VPS50: variants seen among roughly 807,000 people sequenced by gnomAD.
The protein encoded by VPS50 is syndetin.
Under a neutral mutation model 139.7 loss-of-function variants are expected in VPS50, and 70 were observed. That is an observed-to-expected ratio of 0.50 (90% CI 0.41 to 0.61). The LOEUF (loss-of-function observed/expected upper bound fraction) is 0.61. VPS50 is among the 20% of genes least tolerant of loss of function. The probability of loss-of-function intolerance (pLI) is 0.00; values close to 1 mark genes in which losing one functional copy is unlikely to be tolerated. For synonymous variants in VPS50, 365 were observed against 376.7 expected, an observed-to-expected ratio of 0.97 and a Z score of 0.36; for missense variants, 921 against 1,133.7, an observed-to-expected ratio of 0.81 and a Z score of 2.69.
intron 21 of VPS50, 186 bp from the exon 22 acceptor site, chr7:93,333,931 T>C (rs944892123): frequency 7.4e-6 from 4 of 537,200 alleles, no homozygotes; most frequent in Non-Finnish European, 1.3e-5. Flanking sequence ...CACAGGTAAA[T>C]GTTTCTTTGG....
chr7:93,246,165 T>G, intron 2 of VPS50: 1 of 1,283,480 alleles, frequency 7.8e-7, no homozygotes, highest in Non-Finnish European at 1.1e-6. Context: ...TATAACAGAA[T>G]AGATTTTTTA....
In VPS50 at chr7:93,358,914, T is replaced by G. The variant is rs1798779741; in HGVS notation, c.*478T>G. On this transcript the variant is annotated 3_prime_UTR_variant, in exon 28 of 28. Transcript: ENST00000305866. ...ACATGTAAGTAAAATAGTTGAAAAA[T>G]CAGTATGTTCTCTGTTTTTAAAATG... The G allele has an allele frequency of 6.5e-6, 1 of 152,918 alleles. No homozygotes were observed. Among genetic ancestry groups the G allele is most frequent in the Non-Finnish European group, 1.5e-5 (1 of 68,520 alleles). 9.5% of individuals were successfully genotyped at this position (152,918 alleles called of 1,614,324 possible). A position where few individuals can be genotyped will look rare whatever the true frequency, so the allele number is the denominator to read the frequency against.
intron 2 of VPS50, among the ~76,000 whole-genome samples, chr7:93,242,238 C>G (rs1795014228): frequency 6.6e-6 from 1 of 151,570 alleles, no homozygotes; most frequent in Non-Finnish European, 1.5e-5. Context: ...AAAGTTCTCT[C>G]CAAAAGTCAA....
intron 25 of VPS50, 86 bp from the exon 26 acceptor site, chr7:93,353,554 A>T: frequency 1.4e-6 from 2 of 1,422,072 alleles, no homozygotes; most frequent in Non-Finnish European, 1.9e-6. Context: ...AGTCTTTCTA[A>T]ATCTTTTTTA....
At chr7:93,257,993 A>G (rs984682461) in intron 6 of VPS50, 166 bp from the exon 7 acceptor site, 9 of 514,606 alleles carry the variant, frequency 1.7e-5, no homozygotes, top group African/African-American at 1.6e-4. Context: ...GTTCTGAGTA[A>G]TGCTGGTTTA....
chr7:93,252,586 T>C (rs1795366661), intron 2 of VPS50, 67 bp from the exon 3 acceptor site: 4 of 1,065,172 alleles, frequency 3.8e-6, no homozygotes, highest in Non-Finnish European at 5.7e-6. Context: ...CAAATGATCA[T>C]TTATTTCCAT....
chr7:93,266,798 T>C (rs1290130092), intron 9 of VPS50, among the ~76,000 whole-genome samples: 2 of 152,240 alleles, frequency 1.3e-5, no homozygotes, highest in African/African-American at 2.4e-5. Flanking sequence ...GGCTAAGAGC[T>C]TCTTTAAAAG....
chr7:93,271,462 G>A (rs1441022277), intron 10 of VPS50, among the ~76,000 whole-genome samples, 200 bp downstream of exon 10: 1 of 151,638 alleles, frequency 6.6e-6, no homozygotes, highest in East Asian at 1.9e-4. Context: ...TCTCAAAACA[G>A]CATTTGAAAA....
chr7:93,244,307 C>T lies in VPS50; in HGVS notation c.102+4373C>T, dbSNP rs187050284. 1.1e-3 allele frequency among the ~76,000 whole-genome samples: 168 copies of T among 151,868 alleles called. 2 individuals are homozygous for T. The highest frequency in any genetic ancestry group is 8.9e-3 in the Admixed American group (136 of 15,218). On this transcript the variant is annotated intron_variant, in intron 2 of 27. Coordinates refer to ENST00000305866, the MANE Select transcript of VPS50 (RefSeq NM_017667.4). Reference sequence around the variant, plus strand: ...AGTACTTCTGTGAAATCAGATAAACCGATTTGACTTGACTTCTTAAAATCC... The same window carrying T: ...AGTACTTCTGTGAAATCAGATAAACTGATTTGACTTGACTTCTTAAAATCC...
chr7:93,246,487 G>C (rs769273177), intron 2 of VPS50, among the ~76,000 whole-genome samples: 2 of 151,708 alleles, frequency 1.3e-5, no homozygotes, highest in Non-Finnish European at 3.0e-5. Context: ...GTGAAGTAAA[G>C]ATTTGCATTC....
intron 20 of VPS50, among the ~76,000 whole-genome samples, chr7:93,322,886 T>A (rs1447768016): frequency 6.6e-6 from 1 of 152,160 alleles, no homozygotes; most frequent in Non-Finnish European, 1.5e-5. Flanking sequence ...ATGCAGAAGT[T>A]TAATTCATTG....
rs534852944 is a variant in VPS50 at position 93,271,477 on chromosome 7, G to C, written c.702+215G>C. On this transcript the variant is annotated intron_variant, in intron 10 of 27. Transcript: ENST00000305866. ...TCTCAAAACAGCATTTGAAAATATTGCCATTTCCAAGAAAAATTTCCAAAC... is the reference window on the plus strand; with the variant it reads ...TCTCAAAACAGCATTTGAAAATATTCCCATTTCCAAGAAAAATTTCCAAAC... 1.3e-4 allele frequency among the ~76,000 whole-genome samples: 20 copies of C among 151,656 alleles called. 1 individual carries two copies. The highest frequency in any genetic ancestry group is 1.3e-3 in the Admixed American group (19 of 15,200).
At chr7:93,262,882 A>T (rs3802063) in intron 9 of VPS50, among the ~76,000 whole-genome samples, 21,639 of 152,180 alleles carry the variant, frequency 0.14, 1,667 homozygotes, top group South Asian at 0.2. Flanking sequence ...AGAACATAAT[A>T]AGTTTGTTCA....
At chr7:93,284,772 T>G (rs755423304) in intron 12 of VPS50, among the ~76,000 whole-genome samples, 47 of 152,342 alleles carry the variant, frequency 3.1e-4, no homozygotes, top group Non-Finnish European at 5.3e-4. Flanking sequence ...TGAATTGCTA[T>G]GCAGGAGTCA....
intron 22 of VPS50, among the ~76,000 whole-genome samples, chr7:93,337,622 GATTGTACAAT>G (rs1430874745): frequency 6.6e-6 from 1 of 152,122 alleles, no homozygotes; most frequent in Non-Finnish European, 1.5e-5. Flanking sequence ...TTGAGTTTGA[GATTGTACAAT>G]ATTGTCAGAA....
chr7:93,355,414 TGCTTACAC>T (rs1397350634), intron 26 of VPS50, among the ~76,000 whole-genome samples: 1 of 152,230 alleles, frequency 6.6e-6, no homozygotes, highest in African/African-American at 2.4e-5. Context: ...TATGCTTACA[TGCTTACAC>T]ATTTCTTTAT....
intron 1 of VPS50, among the ~76,000 whole-genome samples, chr7:93,236,900 T>C (rs1440065074): frequency 6.7e-6 from 1 of 149,942 alleles, no homozygotes; most frequent in Non-Finnish European, 1.5e-5. Context: ...TATGAGACAG[T>C]ATTTTTGGCT....
At position 93,264,161 on chromosome 7, in the gene VPS50, G is replaced by A. The variant is rs1381645036; in HGVS notation, c.659+4529G>A. Among the ~76,000 whole-genome samples, 8 of 152,138 alleles carry A rather than the reference G, an allele frequency of 5.3e-5. No homozygotes were observed. The East Asian group carries it at 1.3e-3, about 26-fold the overall frequency. On this transcript the variant is annotated intron_variant, in intron 9 of 27. Coordinates refer to ENST00000305866, the MANE Select transcript of VPS50 (RefSeq NM_017667.4). ...CAGTTGGTTGAAAAATGAAACAGAA[G>A]TGGCACTTCCTCTGCACCTGTCTTC...
Position 93,264,526 on chromosome 7 carries a change from T to A in VPS50, c.659+4894T>A, listed in dbSNP as rs117743952. On this transcript the variant is annotated intron_variant, in intron 9 of 27. Coordinates refer to ENST00000305866, the MANE Select transcript of VPS50 (RefSeq NM_017667.4). Reference sequence around the variant, plus strand: ...AGCTTTTGTATTATGCACTGTAAGGTTTGCATACTGCTGAACTAGTTTCTT... The same window carrying A: ...AGCTTTTGTATTATGCACTGTAAGGATTGCATACTGCTGAACTAGTTTCTT... 2.0e-5 allele frequency among the ~76,000 whole-genome samples: 3 copies of A among 152,346 alleles called. No homozygotes were observed. The East Asian group carries it at 5.8e-4, about 29-fold the overall frequency.
Sources: gnomAD v4.1 joint callset for allele counts (sites outside exome capture counted in the v4.1 genomes callset) on GRCh38, gnomAD v4.1.1 for gene constraint, MANE v1.5 for transcripts, NCBI Gene and HGNC (gene_info 2026-07-23, HGNC 2026-07-21) for gene names.